VCF1: variants seen among roughly 807,000 people sequenced by gnomAD.
VCF1 encodes the protein VCP nuclear cofactor family member 1, also known as protein VCF1.
At chr17:73,208,372 G>A in the VCF1 span, 9 of 1,613,996 alleles carry the variant, frequency 5.6e-6, no homozygotes, top group Non-Finnish European at 7.6e-6. Flanking sequence ...TCCTTGTTCA[G>A]ACAGCTTGTC....
chr17:73,207,533 G>T, the VCF1 span: 37 of 603,232 alleles, frequency 6.1e-5, no homozygotes, highest in Non-Finnish European at 9.1e-5. Flanking sequence ...ATTTAGTAGG[G>T]TGAAAGAGTT....
At chr17:73,227,296 A>C in the VCF1 span, 4 of 1,519,290 alleles carry the variant, frequency 2.6e-6, no homozygotes, top group Non-Finnish European at 3.5e-6. Context: ...AAAAAAAAAA[A>C]AACCCAAACA....
chr17:73,212,029 C>CA, the VCF1 span, among the ~76,000 whole-genome samples: 4 of 151,274 alleles, frequency 2.6e-5, no homozygotes, highest in East Asian at 3.9e-4. Context: ...GAGACTGTCT[C>CA]AAAAAAAATA....
chr17:73,212,544 G>A, the VCF1 span: 1 of 588,068 alleles, frequency 1.7e-6, no homozygotes, highest in Non-Finnish European at 2.9e-6. Flanking sequence ...GGCTTAAGAA[G>A]TCAAAGTCAA....
chr17:73,229,133 C>T, the VCF1 span: 1 of 985,264 alleles, frequency 1.0e-6, no homozygotes, highest in Non-Finnish European at 1.2e-6. Flanking sequence ...CATGAAATAT[C>T]CCTGCCTCAT....
At chr17:73,222,179 C>A in the VCF1 span, among the ~76,000 whole-genome samples, 1 of 142,432 alleles carries the variant, frequency 7.0e-6, no homozygotes. Context: ...GCCTAGGCAA[C>A]TGAGCAAGAC....
At chr17:73,230,208 A>G in the VCF1 span, among the ~76,000 whole-genome samples, 1 of 151,922 alleles carries the variant, frequency 6.6e-6, no homozygotes, top group Non-Finnish European at 1.5e-5. Flanking sequence ...ACGTGGGAGG[A>G]TCACCTGAGC....
chr17:73,213,936 C>G, the VCF1 span, among the ~76,000 whole-genome samples: 2 of 152,224 alleles, frequency 1.3e-5, no homozygotes, highest in South Asian at 4.1e-4. Context: ...CACCACTGCA[C>G]TCCAGCCTGG....
chr17:73,219,869 G>A, the VCF1 span, among the ~76,000 whole-genome samples: 1,759 of 152,006 alleles, frequency 0.012, 18 homozygotes, highest in Non-Finnish European at 0.019. Flanking sequence ...CAGTTACTCA[G>A]GAGGCTGAGG....
chr17:73,207,438 G>A, the VCF1 span: 2 of 726,894 alleles, frequency 2.8e-6, no homozygotes, highest in South Asian at 1.5e-5. Context: ...ACTAGAAGGT[G>A]TAAAAGATGC....
At chr17:73,225,436 G>A in the VCF1 span, among the ~76,000 whole-genome samples, 4 of 151,546 alleles carry the variant, frequency 2.6e-5, no homozygotes, top group African/African-American at 9.7e-5. Flanking sequence ...TTTAAAAAAG[G>A]ATGACAATTT....
the VCF1 span, among the ~76,000 whole-genome samples, chr17:73,220,877 C>G: frequency 7.4e-6 from 1 of 135,088 alleles, no homozygotes; most frequent in East Asian, 2.1e-4. Flanking sequence ...AAAGGTATTG[C>G]TTTTTTTTTA....
At chr17:73,219,492 A>G in the VCF1 span, among the ~76,000 whole-genome samples, 1 of 151,268 alleles carries the variant, frequency 6.6e-6, no homozygotes, top group African/African-American at 2.4e-5. Context: ...TACTAAAAAT[A>G]CAAAAAAATT....
the VCF1 span, among the ~76,000 whole-genome samples, chr17:73,213,400 A>G: frequency 6.6e-6 from 1 of 152,360 alleles, no homozygotes; most frequent in East Asian, 1.9e-4. Context: ...TCATAGAGAC[A>G]TACATATACT....
the VCF1 span, among the ~76,000 whole-genome samples, chr17:73,213,046 C>A: frequency 6.6e-6 from 1 of 151,948 alleles, no homozygotes; most frequent in Non-Finnish European, 1.5e-5. Flanking sequence ...GAGATCGAGA[C>A]CTTCCTGGCC....
At chr17:73,232,302 C>G in the VCF1 span, 89 of 1,579,368 alleles carry the variant, frequency 5.6e-5, no homozygotes, top group Admixed American at 1.7e-4. Flanking sequence ...TCCGCGCCCC[C>G]CCATGTCGCT....
the VCF1 span, among the ~76,000 whole-genome samples, chr17:73,214,292 A>G: frequency 3.4e-5 from 5 of 148,890 alleles, no homozygotes; most frequent in Non-Finnish European, 5.9e-5. Context: ...AACCAGCATC[A>G]AATTGGTGGG....
the VCF1 span, chr17:73,208,455 G>A: frequency 6.2e-7 from 1 of 1,613,918 alleles, no homozygotes; most frequent in South Asian, 1.1e-5. Context: ...TAAGTAACAT[G>A]GCAACACATC....
the VCF1 span, chr17:73,229,424 TAACTG>T: frequency 1.0e-6 from 1 of 985,358 alleles, no homozygotes; most frequent in Non-Finnish European, 1.2e-6. Context: ...GGCACCCCTA[TAACTG>T]ATTATATTCT....
Sources: gnomAD v4.1 joint callset for allele counts (sites outside exome capture counted in the v4.1 genomes callset) on GRCh38, gnomAD v4.1.1 for gene constraint, MANE v1.5 for transcripts, NCBI Gene and HGNC (gene_info 2026-07-23, HGNC 2026-07-21) for gene names.